The following PAOX variants were observed in gnomAD, a reference collection of about 807,000 sequenced individuals.
The protein encoded by PAOX is polyamine oxidase, also known as peroxisomal N(1)-acetyl-spermine/spermidine oxidase.
In PAOX, 38 loss-of-function variants were observed where a neutral mutation model predicts 39.0. The ratio of observed to expected loss-of-function variants is 0.97; its 90% confidence interval spans 0.75 to 1.28. The LOEUF is 1.28. Ranked by LOEUF, PAOX falls within the 50% of genes most tolerant of loss-of-function variation. The pLI, the probability that PAOX is intolerant of heterozygous loss-of-function variation, is 0.00. For missense variants in PAOX, 667 were observed against 685.7 expected (o/e 0.97, Z 0.30); for synonymous variants, 311 against 314.4 (o/e 0.99, Z 0.11).
intron 3 of PAOX, 37 bp from the exon 4 acceptor site, chr10:133,383,923 T>C (rs1849464329): frequency 6.3e-7 from 1 of 1,590,130 alleles, no homozygotes. Flanking sequence ...GTGGAGGGCT[T>C]TATGTGATGT....
chr10:133,387,991 A>G (rs1849572291), intron 4 of PAOX, among the ~76,000 whole-genome samples: 1 of 152,210 alleles, frequency 6.6e-6, no homozygotes, highest in South Asian at 2.1e-4. Context: ...TGCTGGGATT[A>G]CAGGCCTGAG....
intron 3 of PAOX, among the ~76,000 whole-genome samples, chr10:133,383,289 G>GTT (rs1849443055): frequency 1.3e-5 from 2 of 152,174 alleles, no homozygotes; most frequent in African/African-American, 4.8e-5. Context: ...ATTTCATGCA[G>GTT]TTTTACATGT....
At position 133,384,385 on chromosome 10, in the gene PAOX, G is replaced by A. The variant is rs763738267; in HGVS notation, c.1121+173G>A. The stretch of plus-strand genomic sequence containing the variant: ...GGCTGCACCTGGGCCTGACCCCTGC[G>A]GGGACAGATGGCGCCCTGCTGTATG... On this transcript the variant is annotated intron_variant, in intron 4 of 6. Transcript: ENST00000278060. The surrounding 1 kb of genome is among the most constrained non-coding windows in gnomAD (Gnocchi z 4.3). 4.3e-4 allele frequency among the ~76,000 whole-genome samples: 66 copies of A among 152,134 alleles called. 1 individual carries two copies. The highest frequency in any genetic ancestry group is 7.4e-5 in the Non-Finnish European group (5 of 68,014).
At chr10:133,390,013 A>G (rs1019529632) in intron 6 of PAOX, among the ~76,000 whole-genome samples, 23 of 152,224 alleles carry the variant, frequency 1.5e-4, no homozygotes, top group Admixed American at 3.9e-4. Context: ...TGCCCTTCTC[A>G]GACGGTGCTC....
At chr10:133,385,693 C>T (rs1291219562) in intron 4 of PAOX, among the ~76,000 whole-genome samples, 1 of 152,192 alleles carries the variant, frequency 6.6e-6, no homozygotes, top group African/African-American at 2.4e-5. Context: ...ACGCCATTCT[C>T]CTGCCTCAGC....
intron 4 of PAOX, among the ~76,000 whole-genome samples, chr10:133,387,655 G>A (rs578152135): frequency 3.3e-4 from 51 of 152,352 alleles, no homozygotes; most frequent in African/African-American, 1.2e-3. Context: ...TGCTAGGTGA[G>A]TCCTCCACGG....
Position 133,381,546 on chromosome 10 carries a change from G to A in PAOX, c.755G>A (p.Trp252Ter), listed in dbSNP as rs747893259. Residue 252 changes from tryptophan (W) to a stop codon, truncating the protein, a stop_gained, in exon 3 of 7, where the codon TGG (tryptophan) becomes TAG (stop). Coordinates refer to ENST00000278060, the MANE Select transcript of PAOX (RefSeq NM_152911.4). LOFTEE classifies it high-confidence loss of function. ...VFEKPVKTIH[W>*]NGSFQEAAFP... ...GAGAAGCCTGTGAAGACCATCCACT[G>A]GAACGGGTCCTTCCAGGAGGCAGCC... is the stretch of plus-strand genomic sequence containing the variant. The A allele has an allele frequency of 1.5e-5, 25 of 1,613,742 alleles. No individual in the cohort carries two copies. Among genetic ancestry groups the A allele is most frequent in the Non-Finnish European group, 2.0e-5 (24 of 1,180,042 alleles).
chr10:133,380,508 C>T (rs779540938), intron 2 of PAOX, 23 bp downstream of exon 2: 27 of 1,570,956 alleles, frequency 1.7e-5, no homozygotes, highest in East Asian at 6.9e-5. Context: ...GCCCCTGCCC[C>T]GCCAGTCCTC....
chr10:133,387,092 A>G (rs1849549650), intron 4 of PAOX, among the ~76,000 whole-genome samples: 1 of 152,166 alleles, frequency 6.6e-6, no homozygotes. Flanking sequence ...CAGCCTGGGC[A>G]ACATAGCAAG....
Position 133,384,336 on chromosome 10 carries a change from A to G in PAOX, c.1121+124A>G. 3.5e-6 allele frequency: 5 copies of G among 1,427,104 alleles called. No individual in the cohort carries two copies. The highest frequency in any genetic ancestry group is 3.8e-6 in the Non-Finnish European group (4 of 1,056,818). 88.4% of individuals were successfully genotyped at this position (1,427,104 alleles called of 1,614,324 possible). ...AGGGGGTTTAATGGGTAGGGTTCCC[A>G]TGAGCGCCCCCCCACCAGGTGCTGG... On this transcript the variant is annotated intron_variant, in intron 4 of 6. Transcript: ENST00000278060. This position sits in a 1 kb window ranked among gnomAD's most constrained non-coding sequence, Gnocchi z 4.3.
chr10:133,379,725 C>G, intron 1 of PAOX: 2 of 531,358 alleles, frequency 3.8e-6, no homozygotes, highest in Non-Finnish European at 3.0e-6. Context: ...ACAAGGCCGC[C>G]CTGATTCTGC....
chr10:133,379,413 T>C lies in PAOX; in HGVS notation c.97T>C (p.Cys33Arg). 8.2e-7 allele frequency: 1 copy of C among 1,223,234 alleles called. No homozygotes were observed. Among genetic ancestry groups the C allele is most frequent in the Non-Finnish European group, 1.0e-6 (1 of 982,730 alleles). The allele number at this position is 1,223,234 out of a possible 1,614,324, so 75.8% of individuals were successfully genotyped here. ...GGGGCTGGGCGCGGCGCAGAGGCTCTGCGGCCACTCCGCCTTCCCGCACCT... is the reference window on the plus strand; with the variant it reads ...GGGGCTGGGCGCGGCGCAGAGGCTCCGCGGCCACTCCGCCTTCCCGCACCT... The part of the protein sequence containing the change: ...IAGLGAAQRL[C>R]GHSAFPHLRV... Residue 33 changes from cysteine to arginine, a missense_variant, in exon 1 of 7, where the codon TGC becomes CGC. Physicochemically the swap from Cys to Arg is radical, Grantham distance 180. Coordinates refer to ENST00000278060, the MANE Select transcript of PAOX (RefSeq NM_152911.4).
intron 2 of PAOX, 118 bp from the exon 3 acceptor site, chr10:133,381,342 G>A (rs1281015469): frequency 4.5e-5 from 42 of 933,668 alleles, no homozygotes; most frequent in Non-Finnish European, 6.5e-5. Context: ...GGCCCTGAGC[G>A]ATGGAGAGCT....
intron 4 of PAOX, among the ~76,000 whole-genome samples, chr10:133,385,856 T>G (rs1399746825): frequency 6.6e-6 from 1 of 152,138 alleles, no homozygotes; most frequent in Non-Finnish European, 1.5e-5. Context: ...GTGCTGGGAT[T>G]ACAGGCATGA....
chr10:133,391,185 T>G, intron 6 of PAOX, 127 bp from the exon 7 acceptor site: 6 of 931,746 alleles, frequency 6.4e-6, no homozygotes, highest in Non-Finnish European at 1.0e-5. Context: ...TTCTCGTCCG[T>G]TGGTGGAGGT....
chr10:133,385,818 C>T (rs1165778807), intron 4 of PAOX, among the ~76,000 whole-genome samples: 7 of 152,034 alleles, frequency 4.6e-5, no homozygotes, highest in Non-Finnish European at 7.4e-5. Context: ...CTCCTGACCT[C>T]GTGATCCGCC....
chr10:133,379,888 G>A lies in PAOX; in HGVS notation c.182-111G>A, dbSNP rs1206586953. On this transcript the variant is annotated intron_variant, in intron 1 of 6. Transcript: ENST00000278060. ...GGGGACCACAGGGCCCTTGGGGACA[G>A]TGTGGTACATCCTCCTTGGGAAGGC... The A allele has an allele frequency of 2.1e-6, 3 of 1,400,124 alleles. No individual in the cohort carries two copies. The African/African-American group carries it at 4.3e-5, about 20-fold the overall frequency. The allele number at this position is 1,400,124 out of a possible 1,614,324, so 86.7% of individuals were successfully genotyped here.
At chr10:133,389,813 C>T in intron 6 of PAOX, 66 bp downstream of exon 6, 1 of 1,384,882 alleles carries the variant, frequency 7.2e-7, no homozygotes, top group East Asian at 2.9e-5. Context: ...AGTCTGGGCG[C>T]TGCAGGAGCA....
At chr10:133,383,238 C>T (rs1378111653) in intron 3 of PAOX, among the ~76,000 whole-genome samples, 1 of 152,180 alleles carries the variant, frequency 6.6e-6, no homozygotes. Flanking sequence ...GTCATTATTT[C>T]ATAAGCATAG....
Sources: gnomAD v4.1 joint callset for allele counts (sites outside exome capture counted in the v4.1 genomes callset) on GRCh38, gnomAD v4.1.1 for gene constraint, Gnocchi (gnomAD v3.1) non-coding constraint, MANE v1.5 for transcripts, NCBI Gene and HGNC (gene_info 2026-07-23, HGNC 2026-07-21) for gene names.